The following SAMD9L variants were observed in gnomAD, a reference collection of about 807,000 sequenced individuals.
SAMD9L encodes sterile alpha motif domain containing 9 like.
Under a neutral mutation model 90.7 loss-of-function variants are expected in SAMD9L, and 68 were observed. That is an observed-to-expected ratio of 0.75 (90% CI 0.62 to 0.92). SAMD9L has a LOEUF of 0.92. Among genes scored for constraint, SAMD9L ranks in the 40% least tolerant of loss-of-function variants. The pLI, the probability that SAMD9L is intolerant of heterozygous loss-of-function variation, is 0.00. For synonymous variants in SAMD9L, 640 were observed against 630.1 expected (o/e 1.02, Z -0.23); for missense variants, 1,604 against 1,824.3 (o/e 0.88, Z 2.20).
intron 4 of SAMD9L, among the ~76,000 whole-genome samples, chr7:93,141,403 A>G (rs1286418094): frequency 6.6e-6 from 1 of 152,180 alleles, no homozygotes; most frequent in Non-Finnish European, 1.5e-5. Flanking sequence ...CATGATGTCC[A>G]TATATCTGCC....
rs1161599676 is a variant in SAMD9L at position 93,134,373 on chromosome 7, T to C, written c.1599A>G (p.Thr533=). The C allele has an allele frequency of 6.2e-7, 1 of 1,612,518 alleles. No individual in the cohort carries two copies. Among genetic ancestry groups the C allele is most frequent in the East Asian group, 2.2e-5 (1 of 44,862 alleles). The change falls in exon 5 of 5, where the codon ACA becomes ACG. Residue 533 remains threonine (T), a synonymous_variant. Coordinates refer to ENST00000318238, the MANE Select transcript of SAMD9L (RefSeq NM_152703.5). ...SEVRKLILFL[T]DENIMTRGKF... ...TTCCTCTTGTCATTATATTTTCATC[T>C]GTGAGAAATAAAATTAGTTTCCTGA...
chr7:93,133,761 G>A lies in SAMD9L; in HGVS notation c.2211C>T (p.Ile737=). The A allele has an allele frequency of 6.2e-7, 1 of 1,613,818 alleles. No individual in the cohort carries two copies. Among genetic ancestry groups the A allele is most frequent in the Non-Finnish European group, 8.5e-7 (1 of 1,179,890 alleles). ...CACAGCCTGGATGATGATAAAGATT[G>A]ATGATTTTTGCAAATATTGGTTTAG... The part of the protein sequence containing the change: ...ESPKPIFAKI[I]NLYHHPGCGG... The change falls in exon 5 of 5, where the codon ATC becomes ATT. Residue 737 remains isoleucine (I), a synonymous_variant. Coordinates refer to ENST00000318238, the MANE Select transcript of SAMD9L (RefSeq NM_152703.5).
chr7:93,137,620 C>T (rs914566881), intron 4 of SAMD9L, among the ~76,000 whole-genome samples: 12 of 152,030 alleles, frequency 7.9e-5, no homozygotes, highest in Non-Finnish European at 1.5e-4. Flanking sequence ...CCATCCCCCA[C>T]TACCCTGTGG....
Position 93,134,532 on chromosome 7 carries a change from C to T in SAMD9L, c.1440G>A (p.Met480Ile). The change falls in exon 5 of 5, where the codon ATG (methionine) becomes ATA (isoleucine). Residue 480 changes from methionine to isoleucine, a missense_variant. Physicochemically the swap from Met to Ile is conservative, Grantham distance 10. Coordinates refer to ENST00000318238, the MANE Select transcript of SAMD9L (RefSeq NM_152703.5). The stretch of plus-strand genomic sequence containing the variant: ...GATTAAGAGTAGAAATCTTCTCCCA[C>T]ATGTTAGTTGTCTTGTCTTCATATT... ...PNQYEDKTTN[M>I]WEKISTLNLY... 1 of 1,613,976 alleles carries T rather than the reference C, an allele frequency of 6.2e-7. No individual in the cohort carries two copies. Among genetic ancestry groups the T allele is most frequent in the East Asian group, 2.2e-5 (1 of 44,884 alleles).
intron 4 of SAMD9L, among the ~76,000 whole-genome samples, chr7:93,139,848 G>A (rs1792612200): frequency 6.6e-6 from 1 of 152,152 alleles, no homozygotes; most frequent in Non-Finnish European, 1.5e-5. Context: ...ACACTAGTAA[G>A]TATTTCTTTA....
In SAMD9L at chr7:93,135,797, C is replaced by CT. The variant is rs766870183; in HGVS notation, c.174_175insA (p.Gly59ArgfsTer19). On this transcript the variant is annotated frameshift_variant, in exon 5 of 5. Coordinates refer to ENST00000318238, the MANE Select transcript of SAMD9L (RefSeq NM_152703.5). LOFTEE classifies it low-confidence loss of function (END_TRUNC). ...AAAAGTGCTGGACCCCATGGTAGCC[C>CT]CATTTCTACAAGGTCCTTCTCAGTT... is the stretch of plus-strand genomic sequence containing the variant. 3.7e-6 allele frequency: 6 copies of CT among 1,613,960 alleles called. No individual in the cohort carries two copies. Among genetic ancestry groups the CT allele is most frequent in the Non-Finnish European group, 2.5e-6 (3 of 1,179,930 alleles).
rs150070697 is a variant in SAMD9L, at chr7:93,134,756, G to A, written c.1216C>T (p.Arg406Ter). ...TAGTATGAATTATCCAGTGAGTCTC[G>A]GTTTCCTATGAGAAGTTTAACCAGC... is the stretch of plus-strand genomic sequence containing the variant. ...LKLVKLLIGN[R>*]DSLDNSYYDW... The change falls in exon 5 of 5, where the codon CGA becomes TGA. Residue 406 changes from arginine to a stop codon, truncating the protein, a stop_gained. Coordinates refer to ENST00000318238, the MANE Select transcript of SAMD9L (RefSeq NM_152703.5). LOFTEE classifies it low-confidence loss of function (END_TRUNC). 1.4e-3 allele frequency: 2,299 copies of A among 1,613,088 alleles called. 10 individuals are homozygous for A. Among genetic ancestry groups the A allele is most frequent in the Non-Finnish European group, 1.5e-3 (1,760 of 1,179,880 alleles).
Position 93,134,482 on chromosome 7 carries a change from A to C in SAMD9L, c.1490T>G (p.Phe497Cys). The C allele has an allele frequency of 6.2e-7, 1 of 1,614,024 alleles. No individual in the cohort carries two copies. The change falls in exon 5 of 5, where the codon TTC becomes TGC. Residue 497 changes from phenylalanine to cysteine, a missense_variant. Phe to Cys is a radical substitution (Grantham distance 205). Around this residue, in one of 7 missense-constraint regions of SAMD9L, gnomAD observed 606 missense variants for 717.6 expected, o/e 0.84. Transcript: ENST00000318238. ...TTTCAGGTCTGATCTGCCGTTGCAG[A>C]AAATCCAGCTGGGCTGTTGGTAAAG... ...LNLYQQPSWIFCNGRSDLKSE... is the reference protein window; with the variant it reads ...LNLYQQPSWICCNGRSDLKSE...
At chr7:93,139,348 G>A (rs910808356) in intron 4 of SAMD9L, among the ~76,000 whole-genome samples, 3 of 152,112 alleles carry the variant, frequency 2.0e-5, no homozygotes, top group Admixed American at 6.6e-5. Flanking sequence ...CTAACCTCCA[G>A]CACCTTAGAA....
intron 4 of SAMD9L, among the ~76,000 whole-genome samples, chr7:93,140,891 T>A (rs1020941154): frequency 2.0e-5 from 3 of 152,224 alleles, no homozygotes; most frequent in Non-Finnish European, 4.4e-5. Context: ...CAATCAAGCA[T>A]GTTTATTTTT....
intron 4 of SAMD9L, among the ~76,000 whole-genome samples, chr7:93,140,199 T>G (rs986821274): frequency 7.5e-6 from 1 of 133,954 alleles, no homozygotes; most frequent in South Asian, 2.3e-4. Context: ...TGGAACATGG[T>G]TGGACAATGG....
intron 3 of SAMD9L, 138 bp downstream of exon 3, chr7:93,145,247 T>C (rs943604466): frequency 6.6e-6 from 1 of 152,246 alleles, no homozygotes; most frequent in African/African-American, 2.4e-5. Flanking sequence ...CCTTTTAAAA[T>C]GGTTTCATAA....
At chr7:93,139,913 A>AT (rs1489454124) in intron 4 of SAMD9L, among the ~76,000 whole-genome samples, 4 of 152,120 alleles carry the variant, frequency 2.6e-5, no homozygotes, top group African/African-American at 9.6e-5. Flanking sequence ...TCCTCACTCC[A>AT]TTCATGTTTC....
rs780573740 is a variant in SAMD9L, at chr7:93,135,275, T to C, written c.697A>G (p.Thr233Ala). 45 of 1,613,998 alleles carry C rather than the reference T, an allele frequency of 2.8e-5. No homozygotes were observed. In the South Asian group the frequency reaches 4.8e-4, roughly 17 times the overall value. The change falls in exon 5 of 5, where the codon ACC becomes GCC. Residue 233 changes from threonine to alanine, a missense_variant. This residue lies in a region of SAMD9L where 374 missense variants were observed against 363.6 expected (regional missense o/e 1.03). Coordinates refer to ENST00000318238, the MANE Select transcript of SAMD9L (RefSeq NM_152703.5). ...ACTCCAAAATGGATGGTGCCATTGG[T>C]GCGTGAATTCATACAAGCTGATGCA... ...RFASACMNSR[T>A]NGTIHFGVKD... is the part of the protein sequence containing the mutation.
chr7:93,130,862 T>C lies in SAMD9L; in HGVS notation c.*355A>G, dbSNP rs1256443687. The C allele has an allele frequency of 6.1e-6, 1 of 164,968 alleles. No individual in the cohort carries two copies. The highest frequency in any genetic ancestry group is 1.3e-5 in the Non-Finnish European group (1 of 77,178). The allele number at this position is 164,968 out of a possible 1,614,324, so 10.2% of individuals were successfully genotyped here. A position where few individuals can be genotyped will look rare whatever the true frequency, so the allele number is the denominator to read the frequency against. ...ACATTCATCTTATTTAAATCTTTGC[T>C]GTCACAGTGAAGAAATAATTTAGAA... On this transcript the variant is annotated 3_prime_UTR_variant, in exon 5 of 5. Transcript: ENST00000318238.
intron 4 of SAMD9L, among the ~76,000 whole-genome samples, chr7:93,139,878 A>G (rs1487896810): frequency 2.6e-5 from 4 of 152,130 alleles, no homozygotes; most frequent in Admixed American, 6.5e-5. Flanking sequence ...CCTTTGATCT[A>G]TTGATTCTAC....
Position 93,134,568 on chromosome 7 carries a change from G to C in SAMD9L, c.1404C>G (p.His468Gln). ...TCTTGTCTTCATATTGATTTGGAAA[G>C]TGAAGGTTTGCCACCCGACTTTCTT... Reference protein sequence around the residue: ...AYKESRVANLHFPNQYEDKTT... With the variant: ...AYKESRVANLQFPNQYEDKTT... Residue 468 changes from histidine (H) to glutamine (Q), a missense_variant, in exon 5 of 5, where the codon CAC becomes CAG. By Grantham distance (24) the His-to-Gln change is conservative. Around this residue, in one of 7 missense-constraint regions of SAMD9L, gnomAD observed 606 missense variants for 717.6 expected, o/e 0.84. Transcript: ENST00000318238. 6.2e-7 allele frequency: 1 copy of C among 1,613,938 alleles called. No homozygotes were observed. Among genetic ancestry groups the C allele is most frequent in the African/African-American group, 1.3e-5 (1 of 75,020 alleles).
chr7:93,135,466 T>G lies in SAMD9L; in HGVS notation c.506A>C (p.Asp169Ala), dbSNP rs750530770. The G allele has an allele frequency of 6.2e-7, 1 of 1,614,188 alleles. No individual in the cohort carries two copies. The highest frequency in any genetic ancestry group is 1.1e-5 in the South Asian group (1 of 91,078). ...GTAGCGATGGCTGTCATGGAACTGA[T>G]CAAAAGGATATGGCATACAAGTCAA... Reference protein sequence around the residue: ...EQLTCMPYPFDQFHDSHRYIE... With the variant: ...EQLTCMPYPFAQFHDSHRYIE... Residue 169 changes from aspartate (D) to alanine (A), a missense_variant, in exon 5 of 5, where the codon GAT becomes GCT. Physicochemically the swap from Asp to Ala is moderately radical, Grantham distance 126. This residue lies in a region of SAMD9L where 374 missense variants were observed against 363.6 expected (regional missense o/e 1.03). Coordinates refer to ENST00000318238, the MANE Select transcript of SAMD9L (RefSeq NM_152703.5).
intron 4 of SAMD9L, among the ~76,000 whole-genome samples, chr7:93,140,218 A>ACC (rs1792632546): frequency 1.4e-5 from 2 of 143,316 alleles, no homozygotes; most frequent in African/African-American, 5.8e-5. Flanking sequence ...GGGCCTCCAC[A>ACC]CTGACTGGAG....
Sources: allele counts gnomAD v4.1 joint callset (sites outside exome capture counted in the v4.1 genomes callset), GRCh38; gene constraint gnomAD v4.1.1; regional missense constraint gnomAD v4.1.1; transcripts MANE v1.5; gene names NCBI Gene and HGNC (gene_info 2026-07-23, HGNC 2026-07-21).